Variants in RAF1 observed in about 807,000 individuals in gnomAD.
The protein encoded by RAF1 is Raf-1 proto-oncogene, serine/threonine kinase, also known as RAF proto-oncogene serine/threonine-protein kinase.
RAF1 carries 27 observed loss-of-function variants against 81.1 expected under a neutral mutation model. The observed-to-expected ratio is 0.33, with a 90% CI of 0.25 to 0.46. RAF1 has a LOEUF of 0.46. RAF1 is among the 20% of genes least tolerant of loss of function. The pLI is 1.00. For synonymous variants in RAF1, 298 were observed against 294.0 expected (o/e 1.01, Z -0.14); for missense variants, 598 against 826.0 (o/e 0.72, Z 3.38).
chr3:12,612,649 C>CA (rs546490049), intron 2 of RAF1, among the ~76,000 whole-genome samples: 17,424 of 74,212 alleles, frequency 0.23, 1,788 homozygotes, highest in African/African-American at 0.34. Flanking sequence ...GACTCCGTCT[C>CA]AAAAAAAAAA....
intron 1 of RAF1, among the ~76,000 whole-genome samples, chr3:12,640,675 C>T (rs1227412541): frequency 6.6e-6 from 1 of 152,158 alleles, no homozygotes; most frequent in African/African-American, 2.4e-5. Flanking sequence ...TACCATCTCA[C>T]ACCAGTTAGA....
In RAF1 at chr3:12,612,075, G is replaced by T; in HGVS notation, c.208-13C>A. 1.2e-6 allele frequency: 2 copies of T among 1,608,958 alleles called. No homozygotes were observed. The highest frequency in any genetic ancestry group is 1.1e-5 in the South Asian group (1 of 90,964). On this transcript the variant is annotated splice_polypyrimidine_tract_variant and intron_variant, in intron 2 of 17. Transcript: ENST00000442415. ...TTCGCACATTGACCTACAAACAAAG[G>T]ACCACCTTTAGGACCAACACAGGCT...
chr3:12,590,991 AAG>A lies in RAF1; in HGVS notation c.1254-19_1254-18del, dbSNP rs1418534973. 1.9e-6 allele frequency: 3 copies of A among 1,595,736 alleles called. No homozygotes were observed. Among genetic ancestry groups the A allele is most frequent in the Non-Finnish European group, 2.6e-6 (3 of 1,166,838 alleles). The stretch of plus-strand genomic sequence containing the variant: ...CGTGTTTTGCTGGGGAGGGGAGGGG[AAG>A]AGAGGAGAGGGAGGAGGAAAGTGCT... On this transcript the variant is annotated intron_variant, in intron 12 of 17. Coordinates refer to ENST00000442415, the MANE Select transcript of RAF1 (RefSeq NM_001354689.3).
chr3:12,612,848 TTA>T (rs1462988799), intron 2 of RAF1, among the ~76,000 whole-genome samples: 1 of 152,156 alleles, frequency 6.6e-6, no homozygotes, highest in Non-Finnish European at 1.5e-5. Context: ...ACTAGATTCA[TTA>T]GAGAGGAAAT....
chr3:12,595,472 A>C (rs1416244324), intron 11 of RAF1, among the ~76,000 whole-genome samples: 1 of 152,198 alleles, frequency 6.6e-6, no homozygotes, highest in Non-Finnish European at 1.5e-5. Context: ...AGGCTTGCCA[A>C]ACCTCCTAAA....
intron 3 of RAF1, among the ~76,000 whole-genome samples, chr3:12,610,335 C>T (rs1432226258): frequency 1.3e-5 from 2 of 152,198 alleles, no homozygotes; most frequent in African/African-American, 4.8e-5. Context: ...TATACAGCAC[C>T]TGGAAAACTT....
At chr3:12,616,608 C>T (rs531462458) in intron 2 of RAF1, among the ~76,000 whole-genome samples, 1 of 152,250 alleles carries the variant, frequency 6.6e-6, no homozygotes, top group Non-Finnish European at 1.5e-5. Flanking sequence ...AAGTATTCAA[C>T]ACTACACTTG....
intron 11 of RAF1, among the ~76,000 whole-genome samples, chr3:12,593,616 C>T (rs1036147802): frequency 1.3e-5 from 2 of 152,024 alleles, no homozygotes; most frequent in Admixed American, 6.6e-5. Flanking sequence ...TTGGAGCTAC[C>T]TTCTATCTAG....
chr3:12,637,688 A>G (rs1445554347), intron 1 of RAF1, among the ~76,000 whole-genome samples: 1 of 151,746 alleles, frequency 6.6e-6, no homozygotes, highest in Non-Finnish European at 1.5e-5. Flanking sequence ...CCCTGTCTCT[A>G]CTAAAGATAC....
intron 1 of RAF1, among the ~76,000 whole-genome samples, chr3:12,638,912 T>C (rs1249213182): frequency 1.3e-5 from 2 of 152,170 alleles, no homozygotes; most frequent in African/African-American, 4.8e-5. Flanking sequence ...CATAAGGTCA[T>C]GTAGAATGCA....
intron 1 of RAF1, among the ~76,000 whole-genome samples, chr3:12,634,101 T>C (rs1575630626): frequency 1.3e-5 from 2 of 151,888 alleles, no homozygotes; most frequent in African/African-American, 2.4e-5. Flanking sequence ...TAGAGAGATA[T>C]TTTCTGACAT....
Position 12,584,014 on chromosome 3 carries a change from G to A in RAF1, c.*500C>T, listed in dbSNP as rs986320500. ...AAGCAGGCTCCTTCGGGCGGCCAGAGTCTCGGCAGTCCTGGGCTGTTTGGT... is the reference window on the plus strand; with the variant it reads ...AAGCAGGCTCCTTCGGGCGGCCAGAATCTCGGCAGTCCTGGGCTGTTTGGT... On this transcript the variant is annotated 3_prime_UTR_variant, in exon 18 of 18. Coordinates refer to ENST00000442415, the MANE Select transcript of RAF1 (RefSeq NM_001354689.3). 3 of 253,246 alleles carry A rather than the reference G, an allele frequency of 1.2e-5. No individual in the cohort carries two copies. Among genetic ancestry groups the A allele is most frequent in the Non-Finnish European group, 1.6e-5 (2 of 128,378 alleles). The allele number at this position is 253,246 out of a possible 1,614,324, so 15.7% of individuals were successfully genotyped here.
At chr3:12,593,667 T>C (rs575826433) in intron 11 of RAF1, among the ~76,000 whole-genome samples, 9 of 152,106 alleles carry the variant, frequency 5.9e-5, no homozygotes, top group Admixed American at 2.0e-4. Flanking sequence ...GAAACGTGTA[T>C]AACCAGCCCT....
chr3:12,645,292 T>G (rs962678903), intron 1 of RAF1, among the ~76,000 whole-genome samples: 3 of 152,068 alleles, frequency 2.0e-5, no homozygotes, highest in African/African-American at 7.2e-5. Context: ...TAACACAGCT[T>G]TACAATTTAT....
intron 1 of RAF1, among the ~76,000 whole-genome samples, chr3:12,630,189 T>C (rs896003218): frequency 2.3e-4 from 35 of 152,342 alleles, no homozygotes; most frequent in African/African-American, 7.7e-4. Flanking sequence ...TTGGGTATCA[T>C]CTTCTAATAT....
chr3:12,591,121 C>T (rs913145611), intron 12 of RAF1, 147 bp from the exon 12 acceptor site: 76 of 713,810 alleles, frequency 1.1e-4, no homozygotes, highest in Non-Finnish European at 1.6e-4. Context: ...ACACATGGCA[C>T]GGCTGATAAC....
intron 1 of RAF1, among the ~76,000 whole-genome samples, chr3:12,636,779 C>T (rs896567168): frequency 1.3e-5 from 2 of 151,966 alleles, no homozygotes; most frequent in African/African-American, 4.8e-5. Flanking sequence ...TGCACTCCAG[C>T]CTGGGTAACA....
Position 12,660,194 on chromosome 3 carries a change from T to C in RAF1, c.-27+3619A>G, listed in dbSNP as rs905027339. On this transcript the variant is annotated intron_variant, in intron 1 of 17. Transcript: ENST00000442415. ...TTGATGTTTAACATTCTTCACTTCATCTTTTAGATACTTTTTGTCAGAAAT... is the reference window on the plus strand; with the variant it reads ...TTGATGTTTAACATTCTTCACTTCACCTTTTAGATACTTTTTGTCAGAAAT... Among the ~76,000 whole-genome samples, 4 of 152,238 alleles carry C rather than the reference T, an allele frequency of 2.6e-5. No individual in the cohort carries two copies. In the South Asian group the frequency reaches 8.3e-4, roughly 32 times the overall value.
intron 1 of RAF1, among the ~76,000 whole-genome samples, chr3:12,647,762 C>A (rs1034803671): frequency 6.6e-6 from 1 of 152,148 alleles, no homozygotes; most frequent in Admixed American, 6.6e-5. Flanking sequence ...GTGATGTGTA[C>A]GTGTCAATAT....
Sources: allele counts gnomAD v4.1 joint callset (sites outside exome capture counted in the v4.1 genomes callset), GRCh38; gene constraint gnomAD v4.1.1; transcripts MANE v1.5; gene names NCBI Gene and HGNC (gene_info 2026-07-23, HGNC 2026-07-21).